The following PLCB1 variants were observed in gnomAD, a reference collection of about 807,000 sequenced individuals.
PLCB1 encodes 1-phosphatidylinositol 4,5-bisphosphate phosphodiesterase beta-1.
In PLCB1, 46 loss-of-function variants were observed where a neutral mutation model predicts 161.8. The observed-to-expected ratio is 0.28, with a 90% confidence interval of 0.22 to 0.36. The LOEUF (loss-of-function observed/expected upper bound fraction) is 0.36, where lower values mean the gene tolerates loss of function less well. Among genes scored for constraint, PLCB1 ranks in the 10% least tolerant of loss-of-function variants. The probability of loss-of-function intolerance (pLI) is 1.00; values close to 1 mark genes in which losing one functional copy is unlikely to be tolerated. For missense variants in PLCB1, 1,016 were observed against 1,472.5 expected, an observed-to-expected ratio of 0.69 and a Z score of 5.07; for synonymous variants, 517 against 503.7, an observed-to-expected ratio of 1.03 and a Z score of -0.35.
At chr20:8,197,067 A>G (rs2052032901) in intron 2 of PLCB1, among the ~76,000 whole-genome samples, 1 of 152,088 alleles carries the variant, frequency 6.6e-6, no homozygotes, top group Admixed American at 6.6e-5. Flanking sequence ...CCTGTCTATC[A>G]TTGTTGGACA....
chr20:8,855,892 C>G (rs1203392886), intron 31 of PLCB1, among the ~76,000 whole-genome samples: 2 of 152,026 alleles, frequency 1.3e-5, no homozygotes, highest in African/African-American at 2.4e-5. Context: ...TTTTTAGAAC[C>G]CTTTCTTCCC....
intron 10 of PLCB1, among the ~76,000 whole-genome samples, chr20:8,691,869 A>G (rs188069042): frequency 5.3e-5 from 8 of 152,300 alleles, no homozygotes; most frequent in African/African-American, 1.7e-4. Flanking sequence ...TGATTTTGGC[A>G]GTACCCTCAG....
At chr20:8,778,461 C>T (rs1983051457) in intron 27 of PLCB1, among the ~76,000 whole-genome samples, 1 of 152,124 alleles carries the variant, frequency 6.6e-6, no homozygotes, top group Non-Finnish European at 1.5e-5. Context: ...GGAAAACCAG[C>T]TGAGCTTGTA....
rs151019524 is a variant in PLCB1 at position 8,795,443 on chromosome 20, G to T, written c.3423+5182G>T. On this transcript the variant is annotated intron_variant, in intron 31 of 31. Coordinates refer to ENST00000338037, the MANE Select transcript of PLCB1 (RefSeq NM_015192.4). ...AGACACTCTTAGAAGGGAATACTTG[G>T]CTCCTTTCCAGTAGAGTTCTGAATT... Among the ~76,000 whole-genome samples the T allele has an allele frequency of 7.2e-5, 11 of 152,290 alleles. No homozygotes were observed. In the East Asian group the frequency reaches 2.1e-3, roughly 29 times the overall value.
intron 3 of PLCB1, among the ~76,000 whole-genome samples, chr20:8,593,660 AT>A (rs1254880843): frequency 6.7e-6 from 1 of 149,734 alleles, no homozygotes; most frequent in African/African-American, 2.5e-5. Context: ...TTTTATTTTT[AT>A]TTTTTTAATG....
chr20:8,147,742 A>G (rs2051468027), intron 1 of PLCB1, among the ~76,000 whole-genome samples: 2 of 152,168 alleles, frequency 1.3e-5, no homozygotes, highest in South Asian at 4.1e-4. Flanking sequence ...TGGCCGGAAG[A>G]GTGGGGTCAA....
At chr20:8,878,161 T>A (rs1420957725) in intron 31 of PLCB1, among the ~76,000 whole-genome samples, 1 of 152,208 alleles carries the variant, frequency 6.6e-6, no homozygotes, top group African/African-American at 2.4e-5. Context: ...AGAAATTATC[T>A]GCTAGGTCAG....
Position 8,150,292 on chromosome 20 carries a change from A to T in PLCB1, c.100-2A>T. On this transcript the variant is annotated splice_acceptor_variant, in intron 1 of 31. Transcript: ENST00000338037. LOFTEE classifies it high-confidence loss of function. ...TATTCATGTTTCTTCTTACATTTCT[A>T]GGACTCAACTATTGTTACTCCAATT... 7.2e-7 allele frequency: 1 copy of T among 1,393,638 alleles called. No homozygotes were observed. The highest frequency in any genetic ancestry group is 1.0e-6 in the Non-Finnish European group (1 of 993,494). 86.3% of individuals were successfully genotyped at this position (1,393,638 alleles called of 1,614,324 possible). A position where few individuals can be genotyped will look rare whatever the true frequency, so the allele number is the denominator to read the frequency against.
chr20:8,496,188 C>T (rs964577716), intron 3 of PLCB1, among the ~76,000 whole-genome samples: 1 of 152,110 alleles, frequency 6.6e-6, no homozygotes, highest in Non-Finnish European at 1.5e-5. Context: ...TTAAGGAGAA[C>T]TTACTCTCTA....
intron 2 of PLCB1, among the ~76,000 whole-genome samples, chr20:8,274,968 C>T (rs1982460856): frequency 6.6e-6 from 1 of 152,024 alleles, no homozygotes; most frequent in African/African-American, 2.4e-5. Context: ...GTTGTTTTGC[C>T]CTTTTTTAAA....
chr20:8,529,759 T>G (rs1015310610), intron 3 of PLCB1, among the ~76,000 whole-genome samples: 3 of 152,126 alleles, frequency 2.0e-5, no homozygotes, highest in African/African-American at 7.2e-5. Context: ...TCAAATAGTT[T>G]AACGTACGTT....
At chr20:8,637,266 A>G (rs1988792201) in intron 4 of PLCB1, among the ~76,000 whole-genome samples, 1 of 152,240 alleles carries the variant, frequency 6.6e-6, no homozygotes, top group African/African-American at 2.4e-5. Context: ...TAAGGATTAA[A>G]AATACTTTTT....
At chr20:8,356,181 C>A (rs944551707) in intron 2 of PLCB1, among the ~76,000 whole-genome samples, 1 of 152,036 alleles carries the variant, frequency 6.6e-6, no homozygotes, top group African/African-American at 2.4e-5. Context: ...CTTCTGAGTG[C>A]TTTAAAGTAA....
chr20:8,384,171 G>C (rs1291060327), intron 3 of PLCB1, among the ~76,000 whole-genome samples: 1 of 151,920 alleles, frequency 6.6e-6, no homozygotes, highest in Admixed American at 6.6e-5. Flanking sequence ...TCAATCGTAG[G>C]TTCAGTCTTT....
rs1988012198 is a variant in PLCB1, at chr20:8,881,929, A to G, written c.*80A>G. Reference sequence around the variant, plus strand: ...TCTCTTATTACAAAGATCACTGCCCAGGACCATCTTCCCGAGAAGCATCCC... The same window carrying G: ...TCTCTTATTACAAAGATCACTGCCCGGGACCATCTTCCCGAGAAGCATCCC... On this transcript the variant is annotated 3_prime_UTR_variant, in exon 32 of 32. Coordinates refer to ENST00000338037, the MANE Select transcript of PLCB1 (RefSeq NM_015192.4). 5.4e-6 allele frequency: 5 copies of G among 919,398 alleles called. No homozygotes were observed. Among genetic ancestry groups the G allele is most frequent in the Admixed American group, 2.0e-5 (1 of 49,130 alleles). 57.0% of individuals were successfully genotyped at this position (919,398 alleles called of 1,614,324 possible).
At chr20:8,322,249 G>T (rs550408190) in intron 2 of PLCB1, among the ~76,000 whole-genome samples, 10 of 152,116 alleles carry the variant, frequency 6.6e-5, no homozygotes, top group East Asian at 1.9e-4. Context: ...CTCTAATTCA[G>T]TGTGTTTCTG....
chr20:8,351,324 AC>A (rs548073113), intron 2 of PLCB1, among the ~76,000 whole-genome samples: 87 of 152,242 alleles, frequency 5.7e-4, no homozygotes, highest in African/African-American at 1.8e-3. Flanking sequence ...TTCATACTTT[AC>A]AAAAAAAATT....
intron 3 of PLCB1, among the ~76,000 whole-genome samples, chr20:8,604,494 A>G (rs572523959): frequency 1.3e-4 from 20 of 152,228 alleles, no homozygotes; most frequent in African/African-American, 4.6e-4. Flanking sequence ...AGGTTTCCCA[A>G]GTAAACATAT....
At chr20:8,599,426 C>G (rs1161194089) in intron 3 of PLCB1, among the ~76,000 whole-genome samples, 1 of 147,700 alleles carries the variant, frequency 6.8e-6, no homozygotes, top group Non-Finnish European at 1.5e-5. Flanking sequence ...TGAATATTGG[C>G]CCCCACTCTC....
Sources: gnomAD v4.1 joint callset for allele counts (sites outside exome capture counted in the v4.1 genomes callset) on GRCh38, gnomAD v4.1.1 for gene constraint, MANE v1.5 for transcripts, NCBI Gene and HGNC (gene_info 2026-07-23, HGNC 2026-07-21) for gene names.